The following RNF38 variants were observed in gnomAD, a reference collection of about 807,000 sequenced individuals.
The protein encoded by RNF38 is ring finger protein 38.
In RNF38, 15 loss-of-function variants were observed where a neutral mutation model predicts 67.2. The ratio of observed to expected loss-of-function variants is 0.22; its 90% CI spans 0.15 to 0.34. RNF38 has a LOEUF of 0.34. RNF38 is among the 10% of genes least tolerant of loss of function. The pLI is 1.00. For synonymous variants in RNF38, 220 were observed against 218.8 expected, an observed-to-expected ratio of 1.01 and a Z score of -0.05; for missense variants, 524 against 639.9, an observed-to-expected ratio of 0.82 and a Z score of 1.95.
intron 3 of RNF38, chr9:36,372,656 G>A: frequency 1.7e-6 from 1 of 591,010 alleles, no homozygotes; most frequent in Admixed American, 2.9e-5. Flanking sequence ...AAAAACACTA[G>A]GAGAGCCAGT....
intron 2 of RNF38, among the ~76,000 whole-genome samples, chr9:36,383,392 A>G (rs1056044574): frequency 2.6e-5 from 4 of 152,070 alleles, no homozygotes; most frequent in African/African-American, 9.7e-5. Flanking sequence ...GTATTTCACC[A>G]TGTTGGCCAA....
intron 1 of RNF38, among the ~76,000 whole-genome samples, chr9:36,476,151 G>A (rs1840116291): frequency 1.3e-5 from 2 of 152,062 alleles, no homozygotes; most frequent in African/African-American, 4.8e-5. Context: ...TTGAGACTGA[G>A]TCTCGCTCAG....
At chr9:36,411,621 G>T (rs975721705) in intron 2 of RNF38, among the ~76,000 whole-genome samples, 9 of 152,144 alleles carry the variant, frequency 5.9e-5, no homozygotes, top group Admixed American at 5.9e-4. Flanking sequence ...GAGTGCAGTG[G>T]TGCAATCTTG....
intron 3 of RNF38, among the ~76,000 whole-genome samples, chr9:36,371,971 G>C (rs10758372): frequency 0.65 from 97,506 of 148,990 alleles, 31,785 homozygotes; most frequent in South Asian, 0.67. Flanking sequence ...CGCCCTGTCT[G>C]CCAGGCTGGA....
At chr9:36,392,993 G>A (rs1470294902) in intron 1 of RNF38, among the ~76,000 whole-genome samples, 1 of 152,160 alleles carries the variant, frequency 6.6e-6, no homozygotes, top group Non-Finnish European at 1.5e-5. Context: ...AATCTAAGGA[G>A]GGCTTTTGCC....
intron 1 of RNF38, among the ~76,000 whole-genome samples, chr9:36,474,007 C>T (rs1038709557): frequency 7.5e-6 from 1 of 134,064 alleles, no homozygotes; most frequent in African/African-American, 2.8e-5. Context: ...AAAAAAAAAC[C>T]CTCAATTTTT....
intron 4 of RNF38, among the ~76,000 whole-genome samples, chr9:36,358,990 G>A (rs770405643): frequency 4.1e-4 from 63 of 152,194 alleles, no homozygotes; most frequent in African/African-American, 1.5e-3. Context: ...CAGCCTGGGC[G>A]ACAAGAAAAC....
At chr9:36,414,740 C>T (rs938578970) in intron 2 of RNF38, among the ~76,000 whole-genome samples, 1 of 150,092 alleles carries the variant, frequency 6.7e-6, no homozygotes, top group African/African-American at 2.4e-5. Flanking sequence ...TCCTGTAGTG[C>T]TGGCTTGGTG....
chr9:36,375,823 T>C, intron 3 of RNF38, 111 bp downstream of exon 3: 3 of 930,722 alleles, frequency 3.2e-6, no homozygotes, highest in South Asian at 1.7e-5. Context: ...TACGTGTATA[T>C]GTGGTGATGT....
At chr9:36,476,519 C>CT (rs67780076) in intron 1 of RNF38, among the ~76,000 whole-genome samples, 2,957 of 94,094 alleles carry the variant, frequency 0.031, 170 homozygotes, top group African/African-American at 0.1. Context: ...ATCGGGCAAT[C>CT]TTTTTTTTTT....
At chr9:36,461,723 G>C (rs1378899988) in intron 1 of RNF38, among the ~76,000 whole-genome samples, 2 of 152,156 alleles carry the variant, frequency 1.3e-5, no homozygotes, top group Non-Finnish European at 2.9e-5. Flanking sequence ...GAATGTGGTG[G>C]GGAGTGGTGT....
intron 1 of RNF38, among the ~76,000 whole-genome samples, chr9:36,449,208 G>A (rs1356479163): frequency 6.6e-6 from 1 of 152,134 alleles, no homozygotes; most frequent in Non-Finnish European, 1.5e-5. Flanking sequence ...TTAGGCAGGA[G>A]GATATCAAGG....
At chr9:36,367,204 A>T (rs1835039591) in intron 4 of RNF38, among the ~76,000 whole-genome samples, 2 of 152,170 alleles carry the variant, frequency 1.3e-5, no homozygotes, top group African/African-American at 4.8e-5. Flanking sequence ...TGCCTTAAGG[A>T]CAGAACTAGC....
intron 1 of RNF38, among the ~76,000 whole-genome samples, chr9:36,459,621 G>A (rs1196121184): frequency 6.6e-6 from 1 of 152,092 alleles, no homozygotes; most frequent in Non-Finnish European, 1.5e-5. Context: ...AGAAGAGTAT[G>A]TGTATGTGTG....
At position 36,426,424 on chromosome 9, in the gene RNF38, T is replaced by C. The variant is rs190210194; in HGVS notation, n.242-1741A>G. Reference sequence around the variant, plus strand: ...CATATAAACAGAATCATAAAACATGTGGTCTTTGTAATCAGGTTCATTCAC... The same window carrying C: ...CATATAAACAGAATCATAAAACATGCGGTCTTTGTAATCAGGTTCATTCAC... On this transcript the variant is annotated intron_variant and non_coding_transcript_variant, in intron 1 of 3. Coordinates refer to the RNF38 transcript ENST00000488058. 2.6e-5 allele frequency among the ~76,000 whole-genome samples: 4 copies of C among 152,308 alleles called. No homozygotes were observed. In the East Asian group the frequency reaches 7.7e-4, roughly 29 times the overall value.
intron 2 of RNF38, among the ~76,000 whole-genome samples, chr9:36,416,702 T>C (rs1046165923): frequency 6.7e-6 from 1 of 150,126 alleles, no homozygotes; most frequent in African/African-American, 2.5e-5. Context: ...CCCTGGGGAC[T>C]AGAAGTGTCT....
upstream of RNF38, chr9:36,401,236 G>T (rs1360014266): frequency 2.0e-6 from 2 of 977,088 alleles, no homozygotes; most frequent in Admixed American, 1.2e-4. Context: ...CGCGCGGCCC[G>T]GCGCACGACT....
At chr9:36,365,018 C>G (rs1034960445) in intron 4 of RNF38, among the ~76,000 whole-genome samples, 3 of 152,182 alleles carry the variant, frequency 2.0e-5, no homozygotes, top group South Asian at 2.1e-4. Flanking sequence ...AAAGACAATA[C>G]AGATGAACAA....
intron 1 of RNF38, among the ~76,000 whole-genome samples, chr9:36,394,349 G>A (rs2134068064): frequency 6.6e-6 from 1 of 152,030 alleles, no homozygotes; most frequent in Non-Finnish European, 1.5e-5. Context: ...CCCCATACCA[G>A]GACTCCTGAT....
Sources: gnomAD v4.1 joint callset for allele counts (sites outside exome capture counted in the v4.1 genomes callset) on GRCh38, gnomAD v4.1.1 for gene constraint, MANE v1.5 for transcripts, NCBI Gene and HGNC (gene_info 2026-07-23, HGNC 2026-07-21) for gene names.